USP8: variants seen among roughly 807,000 people sequenced by gnomAD.
USP8 encodes ubiquitin carboxyl-terminal hydrolase 8.
A neutral mutation model predicts 130.0 loss-of-function variants in USP8; 27 were observed. The ratio of observed to expected loss-of-function variants is 0.21; its 90% confidence interval spans 0.15 to 0.29. USP8 has a LOEUF of 0.29. USP8 is among the 10% of genes least tolerant of loss of function. The pLI is 1.00. For synonymous variants in USP8, 392 were observed against 444.1 expected (o/e 0.88, Z 1.48); for missense variants, 1,029 against 1,312.2 (o/e 0.78, Z 3.33).
rs1324422551 is a variant in USP8 at position 50,499,982 on chromosome 15, TATAAACTACATCTTTAC to T, written c.*896_*912del. 11 of 152,166 alleles carry T rather than the reference TATAAACTACATCTTTAC, an allele frequency of 7.2e-5. No individual in the cohort carries two copies. Among genetic ancestry groups the T allele is most frequent in the African/African-American group, 2.7e-4 (11 of 41,434 alleles). The allele number at this position is 152,166 out of a possible 1,614,324, so 9.4% of individuals were successfully genotyped here. On this transcript the variant is annotated 3_prime_UTR_variant, in exon 20 of 20. Transcript: ENST00000307179. The stretch of plus-strand genomic sequence containing the variant: ...GGCATGATTGCAAAGTGAACTGCAT[TATAAACTACATCTTTAC>T]AGAGTGATGTATTAAGAGGGTTAAA...
chr15:50,441,800 T>C (rs72738964), intron 3 of USP8, among the ~76,000 whole-genome samples: 4 of 152,248 alleles, frequency 2.6e-5, no homozygotes, highest in African/African-American at 4.8e-5. Context: ...AGTTTGCTCA[T>C]TAAGTAAGAA....
intron 7 of USP8, among the ~76,000 whole-genome samples, chr15:50,469,850 T>TTG (rs1491261581): frequency 1.3e-5 from 2 of 149,966 alleles, no homozygotes; most frequent in Admixed American, 1.3e-4. Flanking sequence ...TTTTTTTTTT[T>TTG]GAGACAGAGT....
intron 1 of USP8, among the ~76,000 whole-genome samples, chr15:50,433,442 G>A (rs1595897307): frequency 1.3e-5 from 2 of 152,108 alleles, no homozygotes; most frequent in East Asian, 1.9e-4. Context: ...GACCTTAGGA[G>A]TGGCTGGTGT....
rs201686033 is a variant in USP8, at chr15:50,498,650, G to C, written c.3093G>C (p.Pro1031=). The C allele has an allele frequency of 6.2e-7, 1 of 1,612,960 alleles. No individual in the cohort carries two copies. Among genetic ancestry groups the C allele is most frequent in the Admixed American group, 1.7e-5 (1 of 59,912 alleles). Residue 1031 remains proline, a synonymous_variant, in exon 19 of 20, where the codon CCG becomes CCC. Transcript: ENST00000307179. The part of the protein sequence containing the change: ...KQKLQTSVDF[P]LENLDLSQYV... ...AATTACAGACATCTGTGGACTTCCC[G>C]TTAGAAAATCTTGACTTGTCACAGT...
At chr15:50,495,764 A>ACTTTTTGTT in intron 16 of USP8, 84 bp from the exon 17 acceptor site, 1 of 1,092,110 alleles carries the variant, frequency 9.2e-7, no homozygotes, top group Admixed American at 2.6e-5. Flanking sequence ...TAAATCTGGC[A>ACTTTTTGTT]AGTGTTTGTA....
At chr15:50,456,897 GA>G (rs1331495088) in intron 4 of USP8, among the ~76,000 whole-genome samples, 2 of 151,658 alleles carry the variant, frequency 1.3e-5, no homozygotes, top group African/African-American at 2.4e-5. Flanking sequence ...AAAAGAAAAA[GA>G]AAAAAAAGAA....
rs373152064 is a variant in USP8, at chr15:50,502,368, A to G, written c.*3280A>G. 7 of 150,372 alleles carry G rather than the reference A, an allele frequency of 4.7e-5. 1 individual carries two copies. Among genetic ancestry groups the G allele is most frequent in the Non-Finnish European group, 1.5e-5 (1 of 67,810 alleles). The allele number at this position is 150,372 out of a possible 1,614,324, so 9.3% of individuals were successfully genotyped here. On this transcript the variant is annotated 3_prime_UTR_variant, in exon 20 of 20. Transcript: ENST00000307179. ...GGGATCCTCCCACTTCGGCCTCCCA[A>G]AGTTATTTATTTTTATTTGAGACAG...
chr15:50,495,255 T>C (rs2052336499), intron 16 of USP8, among the ~76,000 whole-genome samples: 1 of 54,904 alleles, frequency 1.8e-5, no homozygotes, highest in Non-Finnish European at 4.4e-5. Context: ...CGTGTATATA[T>C]ACATACATAT....
intron 12 of USP8, among the ~76,000 whole-genome samples, chr15:50,486,981 G>A (rs916951669): frequency 3.9e-5 from 6 of 151,962 alleles, no homozygotes; most frequent in African/African-American, 1.2e-4. Flanking sequence ...AAAAGTAGCC[G>A]GGTGTGGTGG....
chr15:50,465,702 ATTGT>A (rs2051166811), intron 7 of USP8, among the ~76,000 whole-genome samples: 1 of 152,138 alleles, frequency 6.6e-6, no homozygotes. Flanking sequence ...AACTAATTGA[ATTGT>A]TTTACATACT....
intron 5 of USP8, among the ~76,000 whole-genome samples, chr15:50,462,067 T>C (rs1334053434): frequency 6.6e-6 from 1 of 151,376 alleles, no homozygotes; most frequent in Non-Finnish European, 1.5e-5. Flanking sequence ...GGAAATGTTC[T>C]ATGATTCTGA....
At chr15:50,462,201 A>T (rs2051031111) in intron 5 of USP8, 79 bp from the exon 6 acceptor site, 3 of 1,233,718 alleles carry the variant, frequency 2.4e-6, no homozygotes, top group Non-Finnish European at 3.5e-6. Context: ...GTTTCCATTT[A>T]AGAGAAGTAA....
chr15:50,467,620 A>G (rs1450754779), intron 7 of USP8, among the ~76,000 whole-genome samples: 1 of 152,054 alleles, frequency 6.6e-6, no homozygotes, highest in Admixed American at 6.6e-5. Context: ...CAGTGGCATG[A>G]TTACAGCTCA....
rs981440322 is a variant in USP8, at chr15:50,476,831, T to C, written c.850-18T>C. 12 of 1,535,274 alleles carry C rather than the reference T, an allele frequency of 7.8e-6. No homozygotes were observed. Among genetic ancestry groups the C allele is most frequent in the Non-Finnish European group, 1.0e-5 (12 of 1,150,778 alleles). On this transcript the variant is annotated intron_variant, in intron 8 of 19. Transcript: ENST00000307179. ...AAAGATTGCTGCCCTATTTAAAATA[T>C]GATTTCCTTATTTATAGTGGGAAAG...
intron 7 of USP8, among the ~76,000 whole-genome samples, chr15:50,469,245 G>A (rs1279400477): frequency 6.6e-6 from 1 of 151,678 alleles, no homozygotes; most frequent in Non-Finnish European, 1.5e-5. Context: ...TGTATTTAGG[G>A]CTATACAATT....
rs1479839805 is a variant in USP8 at position 50,510,944 on chromosome 15, T to C, written c.*11856T>C. 1 of 151,778 alleles carries C rather than the reference T, an allele frequency of 6.6e-6. No individual in the cohort carries two copies. The highest frequency in any genetic ancestry group is 2.4e-5 in the African/African-American group (1 of 41,334). The allele number at this position is 151,778 out of a possible 1,614,324, so 9.4% of individuals were successfully genotyped here. A position where few individuals can be genotyped will look rare whatever the true frequency, so the allele number is the denominator to read the frequency against. Reference sequence around the variant, plus strand: ...GGCGCCCGCCACCATGCCCGGCTAATTTTTTTTGTATTTTTAGTAGAGACG... The same window carrying C: ...GGCGCCCGCCACCATGCCCGGCTAACTTTTTTTGTATTTTTAGTAGAGACG... On this transcript the variant is annotated 3_prime_UTR_variant, in exon 20 of 20. Coordinates refer to ENST00000307179, the MANE Select transcript of USP8 (RefSeq NM_005154.5).
chr15:50,495,760 T>C (rs72738980), intron 16 of USP8, 88 bp from the exon 17 acceptor site: 36,130 of 1,054,062 alleles, frequency 0.034, 1,046 homozygotes, highest in African/African-American at 0.13. Context: ...TTTCTAAATC[T>C]GGCAAGTGTT....
At chr15:50,429,179 T>G (rs2049845548) in intron 1 of USP8, among the ~76,000 whole-genome samples, 1 of 152,190 alleles carries the variant, frequency 6.6e-6, no homozygotes, top group African/African-American at 2.4e-5. Context: ...ACTACTACAC[T>G]AAATTCTGAA....
intron 4 of USP8, among the ~76,000 whole-genome samples, chr15:50,450,989 CTG>C (rs951834895): frequency 1.6e-4 from 24 of 152,002 alleles, no homozygotes; most frequent in African/African-American, 4.8e-4. Flanking sequence ...AAACAGCAAA[CTG>C]AGAGCTGTTT....
Sources: allele counts gnomAD v4.1 joint callset (sites outside exome capture counted in the v4.1 genomes callset), GRCh38; gene constraint gnomAD v4.1.1; transcripts MANE v1.5; gene names NCBI Gene and HGNC (gene_info 2026-07-23, HGNC 2026-07-21).